The following KCNIP4 variants were observed in gnomAD, a reference collection of about 807,000 sequenced individuals.
The protein encoded by KCNIP4 is potassium voltage-gated channel interacting protein 4, also known as Kv channel-interacting protein 4.
KCNIP4 carries 12 observed loss-of-function variants against 34.0 expected under a neutral mutation model. The observed-to-expected ratio is 0.35, with a 90% confidence interval of 0.23 to 0.57. The LOEUF (loss-of-function observed/expected upper bound fraction) is 0.57, where lower values mean the gene tolerates loss of function less well. Among genes scored for constraint, KCNIP4 ranks in the 20% least tolerant of loss-of-function variants. The probability of loss-of-function intolerance (pLI) is 0.83; values close to 1 mark genes in which losing one functional copy is unlikely to be tolerated. For synonymous variants in KCNIP4, 124 were observed against 102.2 expected, an observed-to-expected ratio of 1.21 and a Z score of -1.29; for missense variants, 238 against 311.7, an observed-to-expected ratio of 0.76 and a Z score of 1.78.
Position 20,960,747 on chromosome 4 carries a change from C to G in KCNIP4, c.62-78038G>C, listed in dbSNP as rs548511529. Among the ~76,000 whole-genome samples the G allele has an allele frequency of 2.0e-5, 3 of 152,136 alleles. No individual in the cohort carries two copies. In the East Asian group the frequency reaches 5.8e-4, roughly 29 times the overall value. On this transcript the variant is annotated intron_variant, in intron 1 of 8. Coordinates refer to ENST00000382152, the MANE Select transcript of KCNIP4 (RefSeq NM_025221.6). ...AGGTGCTAGGAATCCATTAGTGAACCAGAAATGAAAACAACAACTAAATGG... is the reference window on the plus strand; with the variant it reads ...AGGTGCTAGGAATCCATTAGTGAACGAGAAATGAAAACAACAACTAAATGG...
At chr4:21,695,890 A>G (rs1284709092) in intron 1 of KCNIP4, among the ~76,000 whole-genome samples, 1 of 152,056 alleles carries the variant, frequency 6.6e-6, no homozygotes, top group Non-Finnish European at 1.5e-5. Flanking sequence ...GATACCATAA[A>G]TGGCACATCA....
intron 1 of KCNIP4, among the ~76,000 whole-genome samples, chr4:21,459,912 A>G (rs753454534): frequency 6.6e-6 from 1 of 151,910 alleles, no homozygotes; most frequent in Non-Finnish European, 1.5e-5. Flanking sequence ...TTATTGCAAT[A>G]TCTTTCCAGG....
chr4:21,197,757 G>A (rs754623164), intron 1 of KCNIP4, among the ~76,000 whole-genome samples: 37 of 151,948 alleles, frequency 2.4e-4, no homozygotes, highest in African/African-American at 5.3e-4. Context: ...CTATCCTACC[G>A]TTAGAAACAA....
At chr4:21,352,865 C>T (rs952203794) in intron 1 of KCNIP4, among the ~76,000 whole-genome samples, 1 of 152,154 alleles carries the variant, frequency 6.6e-6, no homozygotes, top group African/African-American at 2.4e-5. Flanking sequence ...GAGACACCTC[C>T]CAGTAAGGGC....
At chr4:21,270,150 G>T (rs568294970) in intron 1 of KCNIP4, among the ~76,000 whole-genome samples, 4 of 152,236 alleles carry the variant, frequency 2.6e-5, no homozygotes, top group South Asian at 2.1e-4. Context: ...AGGCTCTGAC[G>T]GTGTTAAGCA....
intron 1 of KCNIP4, among the ~76,000 whole-genome samples, chr4:21,691,784 C>T (rs573378866): frequency 6.0e-4 from 90 of 150,074 alleles, no homozygotes; most frequent in Non-Finnish European, 8.9e-4. Flanking sequence ...CTGCAACCTC[C>T]GCTTCCAGAA....
At chr4:21,022,842 T>C (rs1179639377) in intron 1 of KCNIP4, among the ~76,000 whole-genome samples, 1 of 152,202 alleles carries the variant, frequency 6.6e-6, no homozygotes, top group East Asian at 1.9e-4. Flanking sequence ...TTTTGTTCTT[T>C]GGAGATGGAG....
At chr4:21,409,996 C>T (rs566765182) in intron 1 of KCNIP4, among the ~76,000 whole-genome samples, 15 of 151,960 alleles carry the variant, frequency 9.9e-5, no homozygotes, top group Non-Finnish European at 1.8e-4. Flanking sequence ...ATTTTGGGAA[C>T]GTGAAAAGAG....
At chr4:21,919,411 A>G (rs1728819724) in intron 1 of KCNIP4, among the ~76,000 whole-genome samples, 1 of 152,214 alleles carries the variant, frequency 6.6e-6, no homozygotes, top group Non-Finnish European at 1.5e-5. Context: ...GGAGAGGGTA[A>G]GCACATTCTA....
intron 1 of KCNIP4, among the ~76,000 whole-genome samples, chr4:21,940,333 T>C (rs1265821492): frequency 1.3e-5 from 2 of 152,176 alleles, no homozygotes; most frequent in African/African-American, 4.8e-5. Flanking sequence ...AAGTTCAATA[T>C]CACTGTGTGC....
chr4:20,738,261 C>A (rs143496607), intron 5 of KCNIP4, among the ~76,000 whole-genome samples: 1 of 152,022 alleles, frequency 6.6e-6, no homozygotes, highest in Non-Finnish European at 1.5e-5. Context: ...TCAATGTAAA[C>A]GATATTTTTA....
chr4:21,491,285 A>G (rs573108372), intron 1 of KCNIP4, among the ~76,000 whole-genome samples: 1 of 152,064 alleles, frequency 6.6e-6, no homozygotes, highest in South Asian at 2.1e-4. Context: ...ATGATCCTTC[A>G]TGGGTTTTTT....
intron 1 of KCNIP4, among the ~76,000 whole-genome samples, chr4:21,864,972 T>C (rs755363176): frequency 7.2e-5 from 11 of 152,130 alleles, no homozygotes; most frequent in Non-Finnish European, 1.3e-4. Flanking sequence ...ATTGACAAGA[T>C]GATGCTGAAA....
chr4:20,926,787 T>C (rs1484341515), intron 1 of KCNIP4, among the ~76,000 whole-genome samples: 1 of 152,164 alleles, frequency 6.6e-6, no homozygotes, highest in African/African-American at 2.4e-5. Context: ...GAAAAGCTTC[T>C]CTTGGATTTC....
chr4:20,851,123 T>G (rs1276605049), intron 2 of KCNIP4, among the ~76,000 whole-genome samples: 1 of 152,212 alleles, frequency 6.6e-6, no homozygotes, highest in Admixed American at 6.5e-5. Context: ...GGTGGTTTGC[T>G]GCACAGATCA....
chr4:21,446,659 A>G (rs962600508), intron 1 of KCNIP4, among the ~76,000 whole-genome samples: 65 of 151,156 alleles, frequency 4.3e-4, no homozygotes, highest in African/African-American at 1.6e-3. Flanking sequence ...TAGCATTAGG[A>G]GATGTACCTA....
intron 1 of KCNIP4, among the ~76,000 whole-genome samples, chr4:21,226,106 A>G (rs188597971): frequency 1.3e-5 from 2 of 151,452 alleles, no homozygotes; most frequent in East Asian, 3.9e-4. Context: ...AGAGATGAAG[A>G]GACTGATCTA....
intron 1 of KCNIP4, among the ~76,000 whole-genome samples, chr4:21,622,605 G>C (rs1201082476): frequency 6.6e-6 from 1 of 151,870 alleles, no homozygotes; most frequent in Non-Finnish European, 1.5e-5. Flanking sequence ...TATATCACTG[G>C]AGCATGACTT....
At chr4:21,659,518 C>G (rs900931940) in intron 1 of KCNIP4, among the ~76,000 whole-genome samples, 1 of 152,080 alleles carries the variant, frequency 6.6e-6, no homozygotes, top group Non-Finnish European at 1.5e-5. Context: ...CTTCATTTCT[C>G]CTCAGCATTA....
Sources: gnomAD v4.1 joint callset for allele counts (sites outside exome capture counted in the v4.1 genomes callset) on GRCh38, gnomAD v4.1.1 for gene constraint, MANE v1.5 for transcripts, NCBI Gene and HGNC (gene_info 2026-07-23, HGNC 2026-07-21) for gene names.